The following BCL2 variants were observed in gnomAD, a reference collection of about 807,000 sequenced individuals.
BCL2 encodes the protein BCL2 apoptosis regulator, also known as apoptosis regulator Bcl-2.
A neutral mutation model predicts 14.2 loss-of-function variants in BCL2; 1 was observed. That is an observed-to-expected ratio of 0.07 (90% confidence interval 0.02 to 0.33). BCL2 has a LOEUF of 0.33. Ranked by LOEUF, BCL2 falls within the 10% of genes least tolerant of loss-of-function variation. The probability of loss-of-function intolerance (pLI) is 0.99; values close to 1 mark genes in which losing one functional copy is unlikely to be tolerated. For missense variants in BCL2, 247 were observed against 305.9 expected, an observed-to-expected ratio of 0.81 and a Z score of 1.44; for synonymous variants, 151 against 137.2, an observed-to-expected ratio of 1.10 and a Z score of -0.70.
rs77858544 is a variant in BCL2 at position 63,149,837 on chromosome 18, C to T, written c.586-21078G>A. 0.027 allele frequency among the ~76,000 whole-genome samples: 4,076 copies of T among 151,554 alleles called. 200 individuals carry two copies. The highest frequency in any genetic ancestry group is 0.094 in the African/African-American group (3,881 of 41,344). ...CTCTCTACAGAAAGGGTTCTCCTGA[C>T]ATGAGGCATTTATTTATTTATTTAT... On this transcript the variant is annotated intron_variant, in intron 2 of 2. Transcript: ENST00000333681. This position sits in a 1 kb window ranked among gnomAD's most constrained non-coding sequence, Gnocchi z 4.2.
chr18:63,198,844 T>TGACACAC (rs1909571962), intron 2 of BCL2, among the ~76,000 whole-genome samples: 16 of 3,296 alleles, frequency 4.9e-3, no homozygotes, highest in East Asian at 0.01. Context: ...CAGACACACA[T>TGACACAC]AGACACAGAG....
chr18:63,236,956 C>A (rs914693296), intron 2 of BCL2, among the ~76,000 whole-genome samples: 6 of 152,078 alleles, frequency 3.9e-5, no homozygotes, highest in African/African-American at 1.4e-4. Context: ...TTTTTCTTTT[C>A]TTTTCTTTTA....
intron 2 of BCL2, among the ~76,000 whole-genome samples, chr18:63,206,090 C>T (rs972922771): frequency 2.0e-5 from 3 of 152,140 alleles, no homozygotes; most frequent in African/African-American, 7.2e-5. Context: ...TGTGAAAGTG[C>T]AGGCATTTAA....
intron 2 of BCL2, among the ~76,000 whole-genome samples, chr18:63,304,239 A>G (rs1168303389): frequency 6.6e-6 from 1 of 152,196 alleles, no homozygotes; most frequent in Non-Finnish European, 1.5e-5. Context: ...TTAACCTGTC[A>G]TGTTTTCTGT....
intron 2 of BCL2, among the ~76,000 whole-genome samples, chr18:63,291,078 G>A (rs1053837388): frequency 5.9e-5 from 9 of 152,206 alleles, no homozygotes; most frequent in Non-Finnish European, 1.2e-4. Flanking sequence ...TGTTTTCCAC[G>A]AATAGAAAGA....
chr18:63,248,249 C>T (rs928044515), intron 2 of BCL2, among the ~76,000 whole-genome samples: 9 of 152,198 alleles, frequency 5.9e-5, no homozygotes, highest in Admixed American at 1.3e-4. Context: ...CGGATCTGAC[C>T]GGTGAGAAAA....
intron 2 of BCL2, among the ~76,000 whole-genome samples, chr18:63,137,503 A>T (rs1179326350): frequency 2.0e-5 from 3 of 152,168 alleles, no homozygotes; most frequent in East Asian, 1.9e-4. Flanking sequence ...ATATTTTTTT[A>T]AAAGGGGAGT....
At chr18:63,234,742 T>TGGTAAG (rs1484087819) in intron 2 of BCL2, among the ~76,000 whole-genome samples, 3 of 152,252 alleles carry the variant, frequency 2.0e-5, no homozygotes, top group Admixed American at 6.5e-5. Context: ...ACTTACCAGC[T>TGGTAAG]GTGAGACCTT....
In BCL2 at chr18:63,177,163, C is replaced by T. The variant is rs184755858; in HGVS notation, c.586-48404G>A. Among the ~76,000 whole-genome samples, 23 of 152,066 alleles carry T rather than the reference C, an allele frequency of 1.5e-4. 1 individual carries two copies. The highest frequency in any genetic ancestry group is 7.2e-4 in the Admixed American group (11 of 15,274). On this transcript the variant is annotated intron_variant, in intron 2 of 2. Coordinates refer to ENST00000333681, the MANE Select transcript of BCL2 (RefSeq NM_000633.3). ...AACTCTTGGGCTCAAGTAATTCACC[C>T]GCTTCCATAGGGGTGAGTCACTGCA...
intron 2 of BCL2, among the ~76,000 whole-genome samples, chr18:63,300,942 C>T (rs911315350): frequency 2.0e-5 from 3 of 152,254 alleles, no homozygotes; most frequent in Admixed American, 1.3e-4. Flanking sequence ...TTTGCTGTTT[C>T]TATTGGCTGG....
chr18:63,203,906 T>A (rs1909767395), intron 2 of BCL2, among the ~76,000 whole-genome samples: 1 of 152,234 alleles, frequency 6.6e-6, no homozygotes, highest in Admixed American at 6.5e-5. Context: ...AGCTTTCATG[T>A]TTTTTGTTAT....
At chr18:63,176,192 G>A (rs73471304) in intron 2 of BCL2, among the ~76,000 whole-genome samples, 1,567 of 152,300 alleles carry the variant, frequency 0.01, 20 homozygotes, top group African/African-American at 0.035. Context: ...AGTGTTTTGA[G>A]AATGCTTGAG....
chr18:63,211,919 G>A (rs567118107), intron 2 of BCL2, among the ~76,000 whole-genome samples: 1 of 152,316 alleles, frequency 6.6e-6, no homozygotes, highest in African/African-American at 2.4e-5. Flanking sequence ...ATGCAATCAG[G>A]TTTCGCCAGA....
In BCL2 at chr18:63,154,462, C is replaced by T. The variant is rs116706885; in HGVS notation, c.586-25703G>A. Reference sequence around the variant, plus strand: ...TGAGTGGCTCCTGTTATCCACAGGGCGAGCTGGCCCTGACCCACGCTTCCA... The same window carrying T: ...TGAGTGGCTCCTGTTATCCACAGGGTGAGCTGGCCCTGACCCACGCTTCCA... On this transcript the variant is annotated intron_variant, in intron 2 of 2. Coordinates refer to ENST00000333681, the MANE Select transcript of BCL2 (RefSeq NM_000633.3). 6.4e-3 allele frequency among the ~76,000 whole-genome samples: 980 copies of T among 152,232 alleles called. 7 individuals carry two copies. Among genetic ancestry groups the T allele is most frequent in the African/African-American group, 0.022 (924 of 41,506 alleles).
At chr18:63,133,287 A>G (rs1253220662) in intron 2 of BCL2, among the ~76,000 whole-genome samples, 1 of 148,788 alleles carries the variant, frequency 6.7e-6, no homozygotes, top group Non-Finnish European at 1.5e-5. Context: ...CCATCCTCCA[A>G]CATTTTCCTT....
At chr18:63,169,369 CTCTTTCTT>C (rs138933161) in intron 2 of BCL2, among the ~76,000 whole-genome samples, 9 of 69,544 alleles carry the variant, frequency 1.3e-4, no homozygotes, top group Non-Finnish European at 2.2e-4. Context: ...TTCTTTCTTT[CTCTTTCTT>C]TCTTTCTTTC....
In BCL2 at chr18:63,205,901, G is replaced by C. The variant is rs771891976; in HGVS notation, c.586-77142C>G. On this transcript the variant is annotated intron_variant, in intron 2 of 2. Transcript: ENST00000333681. ...TTTGACACTCAAGCCACGGTGGAGA[G>C]GTTTTCTGTTATGAGTTTAGCATTT... is the stretch of plus-strand genomic sequence containing the variant. Among the ~76,000 whole-genome samples the C allele has an allele frequency of 2.5e-4, 38 of 152,132 alleles. 1 individual carries two copies. Among genetic ancestry groups the C allele is most frequent in the Admixed American group, 2.2e-3 (33 of 15,238 alleles).
At chr18:63,135,986 C>T (rs954822447) in intron 2 of BCL2, among the ~76,000 whole-genome samples, 4 of 152,194 alleles carry the variant, frequency 2.6e-5, no homozygotes, top group Admixed American at 2.6e-4. Context: ...TTAGTAGGTG[C>T]TCTGATGCCC....
chr18:63,152,886 G>C (rs8093973), intron 2 of BCL2, among the ~76,000 whole-genome samples: 13,999 of 152,190 alleles, frequency 0.092, 1,328 homozygotes, highest in African/African-American at 0.23. Context: ...ACTACAAGAC[G>C]TGAGTATACC....
Sources: allele counts gnomAD v4.1 joint callset (sites outside exome capture counted in the v4.1 genomes callset), GRCh38; gene constraint gnomAD v4.1.1; non-coding constraint Gnocchi (gnomAD v3.1); transcripts MANE v1.5; gene names NCBI Gene and HGNC (gene_info 2026-07-23, HGNC 2026-07-21).